Variants in FOXC2 observed in about 807,000 individuals in gnomAD.
FOXC2 encodes forkhead box protein C2.
Under a neutral mutation model 7.2 loss-of-function variants are expected in FOXC2, and 7 were observed. The ratio of observed to expected loss-of-function variants is 0.97; its 90% CI spans 0.55 to 1.81. The LOEUF is 1.81. Ranked by LOEUF, FOXC2 falls within the 40% of genes most tolerant of loss-of-function variation. The pLI is 0.00. For synonymous variants in FOXC2, 436 were observed against 350.4 expected (o/e 1.24, Z -2.73); for missense variants, 846 against 741.2 (o/e 1.14, Z -1.64).
Position 86,568,005 on chromosome 16 carries a change from G to C in FOXC2, c.670G>C (p.Val224Leu), listed in dbSNP as rs1376845781. 6.7e-6 allele frequency: 10 copies of C among 1,493,494 alleles called. No homozygotes were observed. The highest frequency in any genetic ancestry group is 8.8e-6 in the Non-Finnish European group (10 of 1,134,922). The allele number at this position is 1,493,494 out of a possible 1,614,324, so 92.5% of individuals were successfully genotyped here. A position where few individuals can be genotyped will look rare whatever the true frequency, so the allele number is the denominator to read the frequency against. The change falls in exon 1 of 1, where the codon GTC becomes CTC. Residue 224 changes from valine (V) to leucine (L), a missense_variant. Coordinates refer to ENST00000649859, the MANE Select transcript of FOXC2 (RefSeq NM_005251.3). The surrounding 1 kb of genome is among the most constrained non-coding windows in gnomAD (Gnocchi z 5.2). ...KSEAASPALP[V>L]ITKVETLSPE... The stretch of plus-strand genomic sequence containing the variant: ...CGAGGCGGCGTCCCCGGCGCTGCCG[G>C]TCATCACCAAGGTGGAGACGCTGAG...
Position 86,568,851 on chromosome 16 carries a change from G to C in FOXC2, c.*10G>C. On this transcript the variant is annotated 3_prime_UTR_variant, in exon 1 of 1. Transcript: ENST00000649859. This position sits in a 1 kb window ranked among gnomAD's most constrained non-coding sequence, Gnocchi z 5.2. The stretch of plus-strand genomic sequence containing the variant: ...CTGCACGAAATACTGACGTGTCCCG[G>C]GACCTCCCCTCCCCGGCCCGCTCCG... The C allele has an allele frequency of 1.2e-6, 2 of 1,612,404 alleles. No individual in the cohort carries two copies. Among genetic ancestry groups the C allele is most frequent in the Non-Finnish European group, 8.5e-7 (1 of 1,179,674 alleles).
rs988064159 is a variant in FOXC2, at chr16:86,567,272, C to A, written c.-64C>A. ...CTCTCGCGCTCTCTCGCTCTCAGGG[C>A]CCCCCTCGCTCCCCCGGCCGCAGTC... On this transcript the variant is annotated 5_prime_UTR_variant, in exon 1 of 1. Coordinates refer to ENST00000649859, the MANE Select transcript of FOXC2 (RefSeq NM_005251.3). 703 of 1,586,030 alleles carry A rather than the reference C, an allele frequency of 4.4e-4. No homozygotes were observed. The highest frequency in any genetic ancestry group is 5.4e-4 in the Non-Finnish European group (623 of 1,160,504).
At position 86,568,353 on chromosome 16, in the gene FOXC2, A is replaced by T. The variant is rs756928540; in HGVS notation, c.1018A>T (p.Thr340Ser). Residue 340 changes from threonine to serine, a missense_variant, in exon 1 of 1, where the codon ACC (threonine) becomes TCC (serine). Thr to Ser is a moderately conservative substitution (Grantham distance 58). Coordinates refer to ENST00000649859, the MANE Select transcript of FOXC2 (RefSeq NM_005251.3). The surrounding 1 kb of genome is among the most constrained non-coding windows in gnomAD (Gnocchi z 5.2). ...QCSMRAMSLY[T>S]GAERPAHMCV... ...CAGCATGCGAGCGATGAGCCTGTAC[A>T]CCGGGGCCGAGCGGCCGGCGCACAT... 4 of 1,369,564 alleles carry T rather than the reference A, an allele frequency of 2.9e-6. No individual in the cohort carries two copies. Among genetic ancestry groups the T allele is most frequent in the Non-Finnish European group, 2.8e-6 (3 of 1,056,176 alleles). The allele number at this position is 1,369,564 out of a possible 1,614,324, so 84.8% of individuals were successfully genotyped here.
chr16:86,567,986 G>C lies in FOXC2; in HGVS notation c.651G>C (p.Ala217=). ...AGAAGGTGGTGATCAAGAGCGAGGC[G>C]GCGTCCCCGGCGCTGCCGGTCATCA... The part of the protein sequence containing the change: ...AEKKVVIKSE[A]ASPALPVITK... The change falls in exon 1 of 1, where the codon GCG becomes GCC. Residue 217 remains alanine (A), a synonymous_variant. Coordinates refer to ENST00000649859, the MANE Select transcript of FOXC2 (RefSeq NM_005251.3). 1 of 1,509,654 alleles carries C rather than the reference G, an allele frequency of 6.6e-7. No homozygotes were observed. The highest frequency in any genetic ancestry group is 8.7e-7 in the Non-Finnish European group (1 of 1,143,100). 93.5% of individuals were successfully genotyped at this position (1,509,654 alleles called of 1,614,324 possible). A position where few individuals can be genotyped will look rare whatever the true frequency, so the allele number is the denominator to read the frequency against.
rs1482075926 is a variant in FOXC2 at position 86,567,992 on chromosome 16, C to T, written c.657C>T (p.Ser219=). The T allele has an allele frequency of 6.0e-6, 9 of 1,502,088 alleles. No homozygotes were observed. Among genetic ancestry groups the T allele is most frequent in the Admixed American group, 5.1e-5 (2 of 39,588 alleles). 93.0% of individuals were successfully genotyped at this position (1,502,088 alleles called of 1,614,324 possible). Reference sequence around the variant, plus strand: ...TGGTGATCAAGAGCGAGGCGGCGTCCCCGGCGCTGCCGGTCATCACCAAGG... The same window carrying T: ...TGGTGATCAAGAGCGAGGCGGCGTCTCCGGCGCTGCCGGTCATCACCAAGG... ...KKVVIKSEAA[S]PALPVITKVE... The change falls in exon 1 of 1, where the codon TCC becomes TCT. Residue 219 remains serine (S), a synonymous_variant. Transcript: ENST00000649859.
Position 86,567,543 on chromosome 16 carries a change from C to G in FOXC2, c.208C>G (p.Leu70Val), listed in dbSNP as rs1163542176. Reference protein sequence around the residue: ...HHHQPAAPKDLVKPPYSYIAL... With the variant: ...HHHQPAAPKDVVKPPYSYIAL... ...CCACCAGCCCGCGGCGCCTAAGGAC[C>G]TGGTGAAGCCGCCCTACAGCTACAT... The change falls in exon 1 of 1, where the codon CTG becomes GTG. Residue 70 changes from leucine (L) to valine (V), a missense_variant. By Grantham distance (32) the Leu-to-Val change is conservative (BLOSUM62 1). This residue lies in a region of FOXC2 where 154 missense variants were observed against 134.2 expected (regional missense o/e 1.15). Transcript: ENST00000649859. 1.2e-6 allele frequency: 2 copies of G among 1,614,154 alleles called. No individual in the cohort carries two copies. The highest frequency in any genetic ancestry group is 8.5e-7 in the Non-Finnish European group (1 of 1,180,030).
Position 86,569,091 on chromosome 16 carries a change from A to C in FOXC2, c.*250A>C. 16 of 586,458 alleles carry C rather than the reference A, an allele frequency of 2.7e-5. No homozygotes were observed. Among genetic ancestry groups the C allele is most frequent in the East Asian group, 3.0e-5 (1 of 33,512 alleles). 36.3% of individuals were successfully genotyped at this position (586,458 alleles called of 1,614,324 possible). On this transcript the variant is annotated 3_prime_UTR_variant, in exon 1 of 1. Transcript: ENST00000649859. ...CTCCAAAGGGACGCAGCCCAACAAA[A>C]TGAGTATTGATCTTAAAATCCCCCT...
In FOXC2 at chr16:86,569,112, C is replaced by T. The variant is rs1974247888; in HGVS notation, c.*271C>T. 3.5e-6 allele frequency: 2 copies of T among 563,904 alleles called. No homozygotes were observed. The highest frequency in any genetic ancestry group is 1.9e-5 in the African/African-American group (1 of 52,718). The allele number at this position is 563,904 out of a possible 1,614,324, so 34.9% of individuals were successfully genotyped here. ...CAAAATGAGTATTGATCTTAAAATC[C>T]CCCTCCCCTACCAGGACGGCTGTGC... On this transcript the variant is annotated 3_prime_UTR_variant, in exon 1 of 1. Transcript: ENST00000649859.
chr16:86,568,408 T>C lies in FOXC2; in HGVS notation c.1073T>C (p.Leu358Pro). 1.5e-6 allele frequency: 2 copies of C among 1,346,434 alleles called. No homozygotes were observed. The highest frequency in any genetic ancestry group is 1.5e-5 in the South Asian group (1 of 67,254). 83.4% of individuals were successfully genotyped at this position (1,346,434 alleles called of 1,614,324 possible). A position where few individuals can be genotyped will look rare whatever the true frequency, so the allele number is the denominator to read the frequency against. ...MCVPPALDEA[L>P]SDHPSGPTSP... ...GTCCCGCCCGCCCTGGACGAGGCCC[T>C]CTCGGACCACCCGAGCGGCCCCACG... Residue 358 changes from leucine to proline, a missense_variant, in exon 1 of 1, where the codon CTC becomes CCC. Physicochemically the swap from Leu to Pro is moderately conservative, Grantham distance 98 (BLOSUM62 -3). This residue lies in a region of FOXC2 where 640 missense variants were observed against 503.2 expected (regional missense o/e 1.27). Coordinates refer to ENST00000649859, the MANE Select transcript of FOXC2 (RefSeq NM_005251.3). The surrounding 1 kb of genome is among the most constrained non-coding windows in gnomAD (Gnocchi z 5.2).
In FOXC2 at chr16:86,567,955, C is replaced by T. The variant is rs1974222355; in HGVS notation, c.620C>T (p.Ala207Val). The stretch of plus-strand genomic sequence containing the variant: ...CACCTAGCGGACGCCCCCAAGGAGG[C>T]CGAGAAGAAGGTGGTGATCAAGAGC... ...TPHLADAPKE[A>V]EKKVVIKSEA... The change falls in exon 1 of 1, where the codon GCC becomes GTC. Residue 207 changes from alanine (A) to valine (V), a missense_variant. Transcript: ENST00000649859. 6.5e-7 allele frequency: 1 copy of T among 1,548,002 alleles called. No individual in the cohort carries two copies. The highest frequency in any genetic ancestry group is 8.6e-7 in the Non-Finnish European group (1 of 1,161,770).
At position 86,568,378 on chromosome 16, in the gene FOXC2, T is replaced by G; in HGVS notation, c.1043T>G (p.Met348Arg). 1 of 1,373,188 alleles carries G rather than the reference T, an allele frequency of 7.3e-7. No homozygotes were observed. The highest frequency in any genetic ancestry group is 2.4e-4 in the Middle Eastern group (1 of 4,186). 85.1% of individuals were successfully genotyped at this position (1,373,188 alleles called of 1,614,324 possible). A position where few individuals can be genotyped will look rare whatever the true frequency, so the allele number is the denominator to read the frequency against. ...ACCGGGGCCGAGCGGCCGGCGCACA[T>G]GTGCGTCCCGCCCGCCCTGGACGAG... is the stretch of plus-strand genomic sequence containing the variant. ...LYTGAERPAH[M>R]CVPPALDEAL... The change falls in exon 1 of 1, where the codon ATG (methionine) becomes AGG (arginine). Residue 348 changes from methionine (M) to arginine (R), a missense_variant. Coordinates refer to ENST00000649859, the MANE Select transcript of FOXC2 (RefSeq NM_005251.3). The surrounding 1 kb of genome is among the most constrained non-coding windows in gnomAD (Gnocchi z 5.2).
chr16:86,568,899 C>G lies in FOXC2; in HGVS notation c.*58C>G, dbSNP rs1974243866. On this transcript the variant is annotated 3_prime_UTR_variant, in exon 1 of 1. Coordinates refer to ENST00000649859, the MANE Select transcript of FOXC2 (RefSeq NM_005251.3). This position sits in a 1 kb window ranked among gnomAD's most constrained non-coding sequence, Gnocchi z 5.2. ...CCGGCTTCGCTTCCCAGCCCCGACC[C>G]AACCAGACAATTAAGGGGCTGCAGA... is the stretch of plus-strand genomic sequence containing the variant. 1 of 1,601,990 alleles carries G rather than the reference C, an allele frequency of 6.2e-7. No individual in the cohort carries two copies. Among genetic ancestry groups the G allele is most frequent in the African/African-American group, 1.3e-5 (1 of 74,622 alleles).
Position 86,567,712 on chromosome 16 carries a change from T to C in FOXC2, c.377T>C (p.Leu126Pro). 1 of 1,614,134 alleles carries C rather than the reference T, an allele frequency of 6.2e-7. No individual in the cohort carries two copies. Residue 126 changes from leucine to proline, a missense_variant, in exon 1 of 1, where the codon CTC becomes CCC. This residue lies in a region of FOXC2 where 52 missense variants were observed against 103.8 expected (regional missense o/e 0.50). Coordinates refer to ENST00000649859, the MANE Select transcript of FOXC2 (RefSeq NM_005251.3). ...WQNSIRHNLSLNECFVKVPRD... is the reference protein window; with the variant it reads ...WQNSIRHNLSPNECFVKVPRD... Reference sequence around the variant, plus strand: ...AACAGCATCCGCCACAACCTCTCGCTCAACGAGTGCTTCGTCAAGGTGCCC... The same window carrying C: ...AACAGCATCCGCCACAACCTCTCGCCCAACGAGTGCTTCGTCAAGGTGCCC...
chr16:86,568,189 G>T lies in FOXC2; in HGVS notation c.854G>T (p.Gly285Val). 1.6e-6 allele frequency: 2 copies of T among 1,286,354 alleles called. No homozygotes were observed. Among genetic ancestry groups the T allele is most frequent in the Non-Finnish European group, 9.8e-7 (1 of 1,024,378 alleles). 79.7% of individuals were successfully genotyped at this position (1,286,354 alleles called of 1,614,324 possible). Residue 285 changes from glycine (G) to valine (V), a missense_variant, in exon 1 of 1, where the codon GGA becomes GTA. Physicochemically the swap from Gly to Val is moderately radical, Grantham distance 109. Transcript: ENST00000649859. The surrounding 1 kb of genome is among the most constrained non-coding windows in gnomAD (Gnocchi z 5.2). ...ACCCTGCGAACGTCGCCGCCGGGCGGAGAGCTGAGCCCGGGGGCCGGACGC... is the reference window on the plus strand; with the variant it reads ...ACCCTGCGAACGTCGCCGCCGGGCGTAGAGCTGAGCCCGGGGGCCGGACGC... ...IMTLRTSPPGGELSPGAGRAG... is the reference protein window; with the variant it reads ...IMTLRTSPPGVELSPGAGRAG...
rs1429317990 is a variant in FOXC2, at chr16:86,567,485, G to C, written c.150G>C (p.Ala50=). 1 of 1,613,652 alleles carries C rather than the reference G, an allele frequency of 6.2e-7. No homozygotes were observed. Among genetic ancestry groups the C allele is most frequent in the Admixed American group, 1.7e-5 (1 of 60,012 alleles). The change falls in exon 1 of 1, where the codon GCG becomes GCC. Residue 50 remains alanine, a synonymous_variant. Coordinates refer to ENST00000649859, the MANE Select transcript of FOXC2 (RefSeq NM_005251.3). ...VYSGHPEQYS[A]GMGRSYAPYH... Reference sequence around the variant, plus strand: ...CCGGCCACCCGGAGCAGTACAGCGCGGGGATGGGCCGCTCCTACGCGCCCT... The same window carrying C: ...CCGGCCACCCGGAGCAGTACAGCGCCGGGATGGGCCGCTCCTACGCGCCCT...
In FOXC2 at chr16:86,568,053, A is replaced by T; in HGVS notation, c.718A>T (p.Ser240Cys). ...GAGCCCCGAGAGCGCGCTGCAGGGC[A>T]GCCCGCGCAGCGCGGCCTCCACGCC... is the stretch of plus-strand genomic sequence containing the variant. Reference protein sequence around the residue: ...TLSPESALQGSPRSAASTPAG... With the variant: ...TLSPESALQGCPRSAASTPAG... Residue 240 changes from serine (S) to cysteine (C), a missense_variant, in exon 1 of 1, where the codon AGC becomes TGC. Physicochemically the swap from Ser to Cys is moderately radical, Grantham distance 112. Transcript: ENST00000649859. The surrounding 1 kb of genome is among the most constrained non-coding windows in gnomAD (Gnocchi z 5.2). 6.9e-7 allele frequency: 1 copy of T among 1,451,024 alleles called. No homozygotes were observed. The highest frequency in any genetic ancestry group is 9.0e-7 in the Non-Finnish European group (1 of 1,112,836). The allele number at this position is 1,451,024 out of a possible 1,614,324, so 89.9% of individuals were successfully genotyped here.
At position 86,568,436 on chromosome 16, in the gene FOXC2, G is replaced by T. The variant is rs772714414; in HGVS notation, c.1101G>T (p.Ser367=). The change falls in exon 1 of 1, where the codon TCG becomes TCT. Residue 367 remains serine, a synonymous_variant. Coordinates refer to ENST00000649859, the MANE Select transcript of FOXC2 (RefSeq NM_005251.3). The surrounding 1 kb of genome is among the most constrained non-coding windows in gnomAD (Gnocchi z 5.2). ...ALSDHPSGPT[S]PLSALNLAAG... is the part of the protein sequence containing the mutation. ...CGGACCACCCGAGCGGCCCCACGTC[G>T]CCCCTGAGCGCTCTCAACCTCGCCG... 1.0e-5 allele frequency: 14 copies of T among 1,372,736 alleles called. No homozygotes were observed. Among genetic ancestry groups the T allele is most frequent in the Middle Eastern group, 2.6e-4 (1 of 3,860 alleles). The allele number at this position is 1,372,736 out of a possible 1,614,324, so 85.0% of individuals were successfully genotyped here.
rs774058810 is a variant in FOXC2, at chr16:86,567,913, G to A, written c.578G>A (p.Gly193Asp). 7.0e-6 allele frequency: 11 copies of A among 1,578,834 alleles called. No individual in the cohort carries two copies. The South Asian group carries it at 1.3e-4, about 18-fold the overall frequency. Residue 193 changes from glycine (G) to aspartate (D), a missense_variant, in exon 1 of 1, where the codon GGC (glycine) becomes GAC (aspartate). By Grantham distance (94) the Gly-to-Asp change is moderately conservative (BLOSUM62 -1). Coordinates refer to ENST00000649859, the MANE Select transcript of FOXC2 (RefSeq NM_005251.3). The stretch of plus-strand genomic sequence containing the variant: ...GAGCCGCCCCCGGCGGCGTCCAAGG[G>A]CGCCCCGGCCACCCCCCACCTAGCG... ...LKEPPPAASK[G>D]APATPHLADA...
At position 86,567,475 on chromosome 16, in the gene FOXC2, A is replaced by C. The variant is rs1253918042; in HGVS notation, c.140A>C (p.Gln47Pro). ...PMGVYSGHPE[Q>P]YSAGMGRSYA... is the part of the protein sequence containing the mutation. The stretch of plus-strand genomic sequence containing the variant: ...GGCGTCTATTCCGGCCACCCGGAGC[A>C]GTACAGCGCGGGGATGGGCCGCTCC... The change falls in exon 1 of 1, where the codon CAG becomes CCG. Residue 47 changes from glutamine (Q) to proline (P), a missense_variant. Physicochemically the swap from Gln to Pro is moderately conservative, Grantham distance 76. Transcript: ENST00000649859. 6.2e-7 allele frequency: 1 copy of C among 1,613,434 alleles called. No homozygotes were observed. The highest frequency in any genetic ancestry group is 8.5e-7 in the Non-Finnish European group (1 of 1,179,976).
Sources: gnomAD v4.1 joint callset for allele counts on GRCh38, gnomAD v4.1.1 for gene constraint, gnomAD v4.1.1 regional missense constraint, Gnocchi (gnomAD v3.1) non-coding constraint, MANE v1.5 for transcripts, NCBI Gene and HGNC (gene_info 2026-07-23, HGNC 2026-07-21) for gene names.